PMS1: variants seen among roughly 807,000 people sequenced by gnomAD.
PMS1 encodes the protein PMS1 protein homolog 1.
In PMS1, 79 loss-of-function variants were observed where a neutral mutation model predicts 93.1. That is an observed-to-expected ratio of 0.85 (90% CI 0.71 to 1.02). The LOEUF is 1.02. Among genes scored for constraint, PMS1 ranks in the 50% least tolerant of loss-of-function variants. PMS1 has a pLI of 0.00. For synonymous variants in PMS1, 335 were observed against 363.4 expected (o/e 0.92, Z 0.89); for missense variants, 1,064 against 1,085.3 (o/e 0.98, Z 0.28).
At chr2:189,863,645 T>C in intron 9 of PMS1, 98 bp from the exon 10 acceptor site, 1 of 880,372 alleles carries the variant, frequency 1.1e-6, no homozygotes, top group South Asian at 1.5e-5. Flanking sequence ...CATTACTATA[T>C]CTGGAACACC....
chr2:189,857,106 T>C (rs1474206512), intron 9 of PMS1, among the ~76,000 whole-genome samples: 7 of 152,222 alleles, frequency 4.6e-5, no homozygotes, highest in South Asian at 2.1e-4. Flanking sequence ...AAATAAGATA[T>C]TGTGTGTTAT....
chr2:189,846,503 G>A (rs765377452), intron 6 of PMS1, among the ~76,000 whole-genome samples: 20 of 149,752 alleles, frequency 1.3e-4, no homozygotes, highest in Non-Finnish European at 8.9e-5. Flanking sequence ...AACAGAGCAA[G>A]ACTCCGTCTC....
chr2:189,847,748 G>C lies in PMS1; in HGVS notation c.699+3668G>C, dbSNP rs560839402. ...TTATTCACTGTCAGGTTCCACTTGA[G>C]TGTTGAGTAATTAAGGTCCTAATTC... On this transcript the variant is annotated intron_variant, in intron 6 of 12. Transcript: ENST00000441310. Among the ~76,000 whole-genome samples the C allele has an allele frequency of 2.6e-5, 4 of 152,272 alleles. No homozygotes were observed. In the East Asian group the frequency reaches 7.7e-4, roughly 29 times the overall value.
rs1559324277 is a variant in PMS1, at chr2:189,864,674, AAAAAAAAAAAAAAATATATATATATATAT to A, written c.2342+448_2342+476del. Reference sequence around the variant, plus strand: ...CTGTCTCAGAAAAAAAAAAAAAAAAAAAAAAAAAAAAAAATATATATATATATATATATATATATATATATATATATATA... The same window carrying A: ...CTGTCTCAGAAAAAAAAAAAAAAAAAATATATATATATATATATATATATA... On this transcript the variant is annotated intron_variant, in intron 10 of 12. Transcript: ENST00000441310. 6.8e-5 allele frequency among the ~76,000 whole-genome samples: 3 copies of A among 43,866 alleles called. No homozygotes were observed. In the East Asian group the frequency reaches 1.6e-3, roughly 24 times the overall value. The allele number at this position is 43,866 out of a possible 152,430, so 28.8% of individuals were successfully genotyped here. A position where few individuals can be genotyped will look rare whatever the true frequency, so the allele number is the denominator to read the frequency against.
At chr2:189,824,142 T>C (rs2052215375) in intron 5 of PMS1, among the ~76,000 whole-genome samples, 1 of 152,178 alleles carries the variant, frequency 6.6e-6, no homozygotes, top group Non-Finnish European at 1.5e-5. Context: ...TTTTAAACAG[T>C]GAATTAGCAA....
At chr2:189,802,589 G>A (rs1243753031) in intron 3 of PMS1, among the ~76,000 whole-genome samples, 1 of 152,194 alleles carries the variant, frequency 6.6e-6, no homozygotes, top group Non-Finnish European at 1.5e-5. Flanking sequence ...TATAGGATCT[G>A]TAGGTTTGTT....
intron 9 of PMS1, 134 bp from the exon 10 acceptor site, chr2:189,863,609 A>C: frequency 1.5e-6 from 1 of 674,586 alleles, no homozygotes; most frequent in South Asian, 1.9e-5. Flanking sequence ...TATGCAGGAG[A>C]GTTAGTCTAA....
chr2:189,804,028 A>G (rs1157119754), intron 3 of PMS1, among the ~76,000 whole-genome samples: 2 of 152,244 alleles, frequency 1.3e-5, no homozygotes, highest in Non-Finnish European at 2.9e-5. Context: ...TAAAGTGGTT[A>G]AAACAAAATC....
At chr2:189,847,850 C>T (rs1055938027) in intron 6 of PMS1, among the ~76,000 whole-genome samples, 1 of 152,118 alleles carries the variant, frequency 6.6e-6, no homozygotes, top group African/African-American at 2.4e-5. Flanking sequence ...GAAACCTCCT[C>T]TGCTACTATG....
intron 5 of PMS1, among the ~76,000 whole-genome samples, chr2:189,828,033 C>T (rs531757505): frequency 2.0e-5 from 3 of 152,266 alleles, no homozygotes; most frequent in Non-Finnish European, 4.4e-5. Flanking sequence ...ACGCCATTCT[C>T]CTGCCTCAGC....
intron 3 of PMS1, among the ~76,000 whole-genome samples, chr2:189,800,414 A>G (rs2049786446): frequency 6.6e-6 from 1 of 152,192 alleles, no homozygotes; most frequent in African/African-American, 2.4e-5. Context: ...CTTATATGTG[A>G]GGACTGTGAA....
chr2:189,795,526 C>T (rs1369806504), intron 2 of PMS1, among the ~76,000 whole-genome samples: 1 of 152,046 alleles, frequency 6.6e-6, no homozygotes, highest in Non-Finnish European at 1.5e-5. Flanking sequence ...TGAAAAGCAA[C>T]CTTAAAGATC....
intron 5 of PMS1, among the ~76,000 whole-genome samples, chr2:189,819,399 T>C (rs1429947497): frequency 6.6e-6 from 1 of 152,212 alleles, no homozygotes; most frequent in Non-Finnish European, 1.5e-5. Context: ...AGATACCCAG[T>C]AGGGAGATTA....
At chr2:189,870,412 A>G (rs2057047147) in intron 11 of PMS1, among the ~76,000 whole-genome samples, 1 of 152,218 alleles carries the variant, frequency 6.6e-6, no homozygotes. Context: ...TATTTTAGGA[A>G]GTGAAAACTT....
At chr2:189,825,062 C>T (rs1230485528) in intron 5 of PMS1, among the ~76,000 whole-genome samples, 5 of 151,946 alleles carry the variant, frequency 3.3e-5, no homozygotes, top group Non-Finnish European at 7.4e-5. Context: ...AATCATATTG[C>T]GCATAATACG....
Position 189,811,284 on chromosome 2 carries a change from A to G in PMS1, c.418+5530A>G, listed in dbSNP as rs539771080. 1.3e-3 allele frequency among the ~76,000 whole-genome samples: 195 copies of G among 146,058 alleles called. 1 individual carries two copies. Among genetic ancestry groups the G allele is most frequent in the Non-Finnish European group, 7.8e-4 (53 of 67,598 alleles). On this transcript the variant is annotated intron_variant, in intron 4 of 12. Transcript: ENST00000441310. ...AGAATGGGGCAGAACAAAATCTGAAAAAAAAAAAAAAAAAGTCTGAGGGCT... is the reference window on the plus strand; with the variant it reads ...AGAATGGGGCAGAACAAAATCTGAAGAAAAAAAAAAAAAAGTCTGAGGGCT...
intron 3 of PMS1, among the ~76,000 whole-genome samples, chr2:189,803,343 G>A (rs895271086): frequency 6.6e-6 from 1 of 152,136 alleles, no homozygotes; most frequent in South Asian, 2.1e-4. Flanking sequence ...ATTTTGTAAT[G>A]ATACTGCGAT....
At chr2:189,795,049 G>C (rs2049218005) in intron 2 of PMS1, among the ~76,000 whole-genome samples, 1 of 152,178 alleles carries the variant, frequency 6.6e-6, no homozygotes, top group African/African-American at 2.4e-5. Flanking sequence ...AGTGAGCTGT[G>C]ATCATGCCAC....
chr2:189,805,266 A>G (rs527849694), intron 3 of PMS1, among the ~76,000 whole-genome samples: 1 of 152,292 alleles, frequency 6.6e-6, no homozygotes, highest in East Asian at 1.9e-4. Flanking sequence ...ACTTTACCAA[A>G]GAACTATTCA....
Sources: gnomAD v4.1 joint callset for allele counts (sites outside exome capture counted in the v4.1 genomes callset) on GRCh38, gnomAD v4.1.1 for gene constraint, MANE v1.5 for transcripts, NCBI Gene and HGNC (gene_info 2026-07-23, HGNC 2026-07-21) for gene names.